KPNA1: variants seen among roughly 807,000 people sequenced by gnomAD.
The protein encoded by KPNA1 is importin subunit alpha-5.
Under a neutral mutation model 70.5 loss-of-function variants are expected in KPNA1, and 10 were observed. The observed-to-expected ratio is 0.14, with a 90% confidence interval of 0.09 to 0.24. The LOEUF is 0.24. KPNA1 is among the 10% of genes least tolerant of loss of function. The pLI is 1.00. For synonymous variants in KPNA1, 192 were observed against 221.9 expected, an observed-to-expected ratio of 0.87 and a Z score of 1.20; for missense variants, 397 against 637.9, an observed-to-expected ratio of 0.62 and a Z score of 4.07.
intron 5 of KPNA1, among the ~76,000 whole-genome samples, chr3:122,455,332 C>A (rs2076252637): frequency 6.6e-6 from 1 of 152,134 alleles, no homozygotes; most frequent in South Asian, 2.1e-4. Flanking sequence ...GGTTTAGTAG[C>A]AGCAGGGAGG....
At chr3:122,480,939 T>A (rs560877017) in intron 2 of KPNA1, among the ~76,000 whole-genome samples, 1 of 152,162 alleles carries the variant, frequency 6.6e-6, no homozygotes, top group South Asian at 2.1e-4. Context: ...CAGTGAACCA[T>A]AATGGCACCA....
intron 10 of KPNA1, among the ~76,000 whole-genome samples, chr3:122,440,452 G>A (rs2107726081): frequency 6.6e-6 from 1 of 152,330 alleles, no homozygotes; most frequent in Middle Eastern, 3.4e-3. Flanking sequence ...AGTGGCCACA[G>A]CCAATTCAAG....
At chr3:122,481,780 T>A (rs1339470273) in intron 2 of KPNA1, among the ~76,000 whole-genome samples, 2 of 152,204 alleles carry the variant, frequency 1.3e-5, no homozygotes, top group African/African-American at 4.8e-5. Context: ...AGATAAATAA[T>A]ATATCAGAAA....
At position 122,453,299 on chromosome 3, in the gene KPNA1, A is replaced by G. The variant is rs186984874; in HGVS notation, c.564+571T>C. 5.3e-5 allele frequency among the ~76,000 whole-genome samples: 8 copies of G among 152,334 alleles called. No homozygotes were observed. In the East Asian group the frequency reaches 9.6e-4, roughly 18 times the overall value. On this transcript the variant is annotated intron_variant, in intron 6 of 13. Coordinates refer to ENST00000344337, the MANE Select transcript of KPNA1 (RefSeq NM_002264.4). Reference sequence around the variant, plus strand: ...AAAACCTCTATCAGTAACTGCTTACATGGTCTAAAAAAGTACATATACAGG... The same window carrying G: ...AAAACCTCTATCAGTAACTGCTTACGTGGTCTAAAAAAGTACATATACAGG...
intron 5 of KPNA1, among the ~76,000 whole-genome samples, chr3:122,456,009 G>A (rs1253380551): frequency 6.6e-6 from 1 of 152,112 alleles, no homozygotes. Flanking sequence ...ATGTTACACA[G>A]TCAAAGACAA....
At chr3:122,435,973 G>A (rs1397402098) in intron 11 of KPNA1, among the ~76,000 whole-genome samples, 3 of 152,228 alleles carry the variant, frequency 2.0e-5, no homozygotes, top group Admixed American at 1.3e-4. Context: ...GACTGCCTGA[G>A]AGCTAGGCGG....
At chr3:122,453,426 T>C (rs1211674891) in intron 6 of KPNA1, among the ~76,000 whole-genome samples, 2 of 152,236 alleles carry the variant, frequency 1.3e-5, no homozygotes, top group African/African-American at 4.8e-5. Flanking sequence ...TAAGACTAAA[T>C]TTCTAGAACA....
chr3:122,458,496 T>C (rs567166626), intron 5 of KPNA1, among the ~76,000 whole-genome samples: 69 of 152,310 alleles, frequency 4.5e-4, no homozygotes, highest in African/African-American at 1.6e-3. Context: ...GACCCTTCAA[T>C]AGGATTCACA....
intron 9 of KPNA1, 55 bp from the exon 10 acceptor site, chr3:122,442,171 C>A: frequency 7.3e-7 from 1 of 1,369,076 alleles, no homozygotes; most frequent in Non-Finnish European, 1.0e-6. Flanking sequence ...AGTTTCATTT[C>A]CTTCCAAGAC....
chr3:122,458,143 C>G (rs2076284502), intron 5 of KPNA1, among the ~76,000 whole-genome samples: 1 of 152,168 alleles, frequency 6.6e-6, no homozygotes, highest in Non-Finnish European at 1.5e-5. Flanking sequence ...TTATTTCTAG[C>G]TATTTTTATA....
chr3:122,496,595 A>G (rs2076764221), intron 1 of KPNA1, 25 bp from the exon 2 acceptor site: 1 of 1,608,638 alleles, frequency 6.2e-7, no homozygotes, highest in Non-Finnish European at 8.5e-7. Flanking sequence ...GGGAGAGAAC[A>G]AATGAGTTTA....
intron 2 of KPNA1, among the ~76,000 whole-genome samples, chr3:122,477,757 A>G (rs2076519174): frequency 6.6e-6 from 1 of 152,122 alleles, no homozygotes. Context: ...TCTGTATATT[A>G]ATTTGCTTGA....
At chr3:122,514,483 C>G (rs1163823906) in intron 1 of KPNA1, 1 of 152,036 alleles carries the variant, frequency 6.6e-6, no homozygotes, top group Non-Finnish European at 1.5e-5. Context: ...CGCCGCGCCA[C>G]GCCGCCCCGC....
intron 1 of KPNA1, among the ~76,000 whole-genome samples, chr3:122,497,840 C>CA (rs1313141121): frequency 4.6e-5 from 7 of 151,956 alleles, no homozygotes; most frequent in African/African-American, 1.7e-4. Flanking sequence ...ATATGCTTTT[C>CA]AAATATAATC....
chr3:122,463,251 G>A (rs927778360), intron 4 of KPNA1, among the ~76,000 whole-genome samples: 1 of 152,038 alleles, frequency 6.6e-6, no homozygotes, highest in Non-Finnish European at 1.5e-5. Context: ...GGGAGGCTGA[G>A]GCAGGAGAAT....
At chr3:122,473,997 T>C (rs2076471223) in intron 2 of KPNA1, among the ~76,000 whole-genome samples, 2 of 152,156 alleles carry the variant, frequency 1.3e-5, no homozygotes, top group Admixed American at 1.3e-4. Context: ...AATAAGCAAT[T>C]ATAGCAAGGT....
At chr3:122,506,299 G>A (rs2076889560) in intron 1 of KPNA1, among the ~76,000 whole-genome samples, 1 of 152,020 alleles carries the variant, frequency 6.6e-6, no homozygotes, top group South Asian at 2.1e-4. Context: ...TATATGATAT[G>A]CATTTACTAT....
Position 122,467,375 on chromosome 3 carries a change from T to A in KPNA1, c.184A>T (p.Met62Leu). The change falls in exon 3 of 14, where the codon ATG (methionine) becomes TTG (leucine). Residue 62 changes from methionine to leucine, a missense_variant. Transcript: ENST00000344337. ...GCCTCATGAAAGCCTCCATCTGACA[T>A]AACTTCTTCTTCTGTTTCTTCTTCT... Reference protein sequence around the residue: ...TAEEETEEEVMSDGGFHEAQI... With the variant: ...TAEEETEEEVLSDGGFHEAQI... 2.5e-6 allele frequency: 4 copies of A among 1,610,852 alleles called. No homozygotes were observed. In the East Asian group the frequency reaches 9.0e-5, roughly 36 times the overall value.
rs756082870 is a variant in KPNA1, at chr3:122,437,164, G to A, written c.1122+6C>T. ...CTGAAAGAGAAGTTAGGTCCTATGA[G>A]GTTACCTGGATCTGTGCCCTATTTC... On this transcript the variant is annotated splice_donor_region_variant and intron_variant, in intron 11 of 13. Coordinates refer to ENST00000344337, the MANE Select transcript of KPNA1 (RefSeq NM_002264.4). 1 of 1,611,210 alleles carries A rather than the reference G, an allele frequency of 6.2e-7. No homozygotes were observed. The highest frequency in any genetic ancestry group is 1.1e-5 in the South Asian group (1 of 90,262).
Sources: gnomAD v4.1 joint callset for allele counts (sites outside exome capture counted in the v4.1 genomes callset) on GRCh38, gnomAD v4.1.1 for gene constraint, MANE v1.5 for transcripts, NCBI Gene and HGNC (gene_info 2026-07-23, HGNC 2026-07-21) for gene names.